SLC24A2: variants seen among roughly 807,000 people sequenced by gnomAD.
SLC24A2 encodes sodium/potassium/calcium exchanger 2.
Under a neutral mutation model 62.0 loss-of-function variants are expected in SLC24A2, and 36 were observed. The observed-to-expected ratio is 0.58, with a 90% CI of 0.44 to 0.77. The LOEUF (loss-of-function observed/expected upper bound fraction) is 0.77. Ranked by LOEUF, SLC24A2 falls within the 30% of genes least tolerant of loss-of-function variation. SLC24A2 has a pLI of 0.00. For synonymous variants in SLC24A2, 358 were observed against 294.0 expected (o/e 1.22, Z -2.23); for missense variants, 846 against 817.9 (o/e 1.03, Z -0.42).
the SLC24A2 span, among the ~76,000 whole-genome samples, chr9:20,080,368 A>C: frequency 7.2e-5 from 11 of 152,316 alleles, no homozygotes; most frequent in East Asian, 1.9e-4. Flanking sequence ...CAAAAAGAAG[A>C]AATGGGGAAA....
At chr9:19,941,095 C>G in the SLC24A2 span, among the ~76,000 whole-genome samples, 1 of 152,112 alleles carries the variant, frequency 6.6e-6, no homozygotes, top group Non-Finnish European at 1.5e-5. Context: ...TGTACACTGG[C>G]TGAGAGGAGG....
chr9:19,532,614 T>G (rs950095883), intron 8 of SLC24A2, among the ~76,000 whole-genome samples: 1 of 152,196 alleles, frequency 6.6e-6, no homozygotes, highest in African/African-American at 2.4e-5. Flanking sequence ...ATAAAGAAAC[T>G]GATAATTGGG....
chr9:19,842,125 A>G, the SLC24A2 span, among the ~76,000 whole-genome samples: 1 of 152,202 alleles, frequency 6.6e-6, no homozygotes, highest in African/African-American at 2.4e-5. Flanking sequence ...TCATCTTCCT[A>G]GGAAGCATAC....
the SLC24A2 span, among the ~76,000 whole-genome samples, chr9:20,160,441 C>A: frequency 2.6e-5 from 4 of 151,352 alleles, no homozygotes; most frequent in East Asian, 7.8e-4. Context: ...TGATAGATAT[C>A]ATAAATATAT....
At chr9:19,596,873 G>A (rs1489858829) in intron 5 of SLC24A2, among the ~76,000 whole-genome samples, 1 of 152,144 alleles carries the variant, frequency 6.6e-6, no homozygotes, top group Non-Finnish European at 1.5e-5. Context: ...TGAAATAAAG[G>A]ACATATTAGA....
intron 2 of SLC24A2, among the ~76,000 whole-genome samples, chr9:19,660,861 T>C (rs1442044983): frequency 6.6e-6 from 1 of 152,214 alleles, no homozygotes; most frequent in Non-Finnish European, 1.5e-5. Flanking sequence ...AGACAGGTAG[T>C]GTTATGACCC....
At chr9:19,627,304 A>G (rs1228085704) in intron 2 of SLC24A2, among the ~76,000 whole-genome samples, 1 of 152,226 alleles carries the variant, frequency 6.6e-6, no homozygotes, top group East Asian at 1.9e-4. Context: ...GATAATCTTC[A>G]TGGTCATGAA....
the SLC24A2 span, among the ~76,000 whole-genome samples, chr9:20,160,308 C>G: frequency 6.6e-6 from 1 of 151,416 alleles, no homozygotes; most frequent in African/African-American, 2.4e-5. Context: ...ATTACTCATA[C>G]CTCAAGGAGA....
At chr9:20,101,757 G>A in the SLC24A2 span, among the ~76,000 whole-genome samples, 1 of 151,858 alleles carries the variant, frequency 6.6e-6, no homozygotes, top group East Asian at 1.9e-4. Context: ...TTTTTTTAAG[G>A]AAAAGAAAAA....
the SLC24A2 span, among the ~76,000 whole-genome samples, chr9:20,256,290 T>C: frequency 2.0e-5 from 3 of 152,170 alleles, no homozygotes; most frequent in African/African-American, 7.2e-5. Flanking sequence ...GACTAATGGC[T>C]TGAAAATAAA....
the SLC24A2 span, among the ~76,000 whole-genome samples, chr9:20,261,805 T>C: frequency 7.8e-6 from 1 of 128,396 alleles, no homozygotes; most frequent in Non-Finnish European, 1.5e-5. Flanking sequence ...AGTGGCACGA[T>C]CTCGGCTCAC....
the SLC24A2 span, among the ~76,000 whole-genome samples, chr9:19,809,608 T>G: frequency 6.6e-6 from 1 of 152,086 alleles, no homozygotes; most frequent in African/African-American, 2.4e-5. Context: ...GGCGGCTCTG[T>G]CTTCCCTTCT....
chr9:20,263,857 A>ACC, the SLC24A2 span, among the ~76,000 whole-genome samples: 26 of 22,198 alleles, frequency 1.2e-3, no homozygotes, highest in South Asian at 4.4e-3. Context: ...TGGATATCCC[A>ACC]CCCGCCCCCC....
the SLC24A2 span, among the ~76,000 whole-genome samples, chr9:19,812,908 C>T: frequency 2.6e-5 from 4 of 152,154 alleles, no homozygotes; most frequent in African/African-American, 9.7e-5. Flanking sequence ...GGGCTTTCAA[C>T]GAAGAGCCTG....
the SLC24A2 span, among the ~76,000 whole-genome samples, chr9:20,120,509 T>C: frequency 2.0e-5 from 3 of 152,046 alleles, no homozygotes; most frequent in East Asian, 1.9e-4. Flanking sequence ...TGAGTATACA[T>C]GGACACAAAG....
At chr9:19,809,107 C>T in the SLC24A2 span, among the ~76,000 whole-genome samples, 3 of 152,052 alleles carry the variant, frequency 2.0e-5, no homozygotes, top group African/African-American at 7.2e-5. Context: ...TTTTGTTTTT[C>T]TGTTGTTAAC....
At chr9:19,966,463 G>T in the SLC24A2 span, among the ~76,000 whole-genome samples, 1 of 152,148 alleles carries the variant, frequency 6.6e-6, no homozygotes, top group Non-Finnish European at 1.5e-5. Context: ...ATAATTTCTT[G>T]TAGCTAAGCT....
chr9:20,270,530 T>A, the SLC24A2 span, among the ~76,000 whole-genome samples: 8 of 151,962 alleles, frequency 5.3e-5, no homozygotes, highest in Middle Eastern at 3.2e-3. Context: ...AGCCTTTAGC[T>A]GTTTCTTGGT....
In SLC24A2 at chr9:19,588,290, C is replaced by G. The variant is rs527409388; in HGVS notation, c.1129+8939G>C. ...TGAACTGTATGAGTTAAGCCATAAA[C>G]TTGGGATGAATGAAAGATAGCACGA... is the stretch of plus-strand genomic sequence containing the variant. On this transcript the variant is annotated intron_variant, in intron 5 of 10. Transcript: ENST00000341998. Among the ~76,000 whole-genome samples, 4 of 149,422 alleles carry G rather than the reference C, an allele frequency of 2.7e-5. No individual in the cohort carries two copies. In the Admixed American group the frequency reaches 2.7e-4, roughly 10 times the overall value.
Sources: allele counts gnomAD v4.1 joint callset (sites outside exome capture counted in the v4.1 genomes callset), GRCh38; gene constraint gnomAD v4.1.1; transcripts MANE v1.5; gene names NCBI Gene and HGNC (gene_info 2026-07-23, HGNC 2026-07-21).